The following LRBA variants were observed in gnomAD, a reference collection of about 807,000 sequenced individuals.
The protein encoded by LRBA is LPS responsive beige-like anchor protein, also known as lipopolysaccharide-responsive and beige-like anchor protein.
Under a neutral mutation model 330.0 loss-of-function variants are expected in LRBA, and 176 were observed. The observed-to-expected ratio is 0.53, with a 90% CI of 0.47 to 0.60. LRBA has a LOEUF of 0.60. LRBA is among the 20% of genes least tolerant of loss of function. LRBA has a pLI of 0.00. For synonymous variants in LRBA, 1,230 were observed against 1,193.0 expected (o/e 1.03, Z -0.64); for missense variants, 3,259 against 3,444.8 (o/e 0.95, Z 1.35).
intron 47 of LRBA, among the ~76,000 whole-genome samples, chr4:150,380,003 T>TAAAAA (rs371691815): frequency 8.7e-6 from 1 of 115,242 alleles, no homozygotes; most frequent in Non-Finnish European, 1.7e-5. Context: ...TTTCTACTAC[T>TAAAAA]AAAAAAAAAA....
chr4:150,445,237 A>G (rs1245554871), intron 44 of LRBA, among the ~76,000 whole-genome samples: 1 of 151,954 alleles, frequency 6.6e-6, no homozygotes, highest in Non-Finnish European at 1.5e-5. Context: ...AACCAGAAAC[A>G]AAACAAAATT....
chr4:150,844,311 G>T, intron 27 of LRBA, 104 bp from the exon 28 acceptor site: 2 of 617,590 alleles, frequency 3.2e-6, no homozygotes, highest in Non-Finnish European at 5.2e-6. Flanking sequence ...GAAAAGCAAA[G>T]CTATAGCATT....
chr4:150,954,019 T>C (rs1737213403), intron 2 of LRBA, among the ~76,000 whole-genome samples: 1 of 35,494 alleles, frequency 2.8e-5, no homozygotes, highest in South Asian at 1.1e-3. Flanking sequence ...CCACCCCGTC[T>C]GAGAAGTGAG....
rs543147482 is a variant in LRBA at position 150,649,663 on chromosome 4, A to G, written c.5921+33888T>C. ...TTCATATAAACATCCTGCCTCTCCA[A>G]TAAAGTTCACTAGGAACTATTACTT... On this transcript the variant is annotated intron_variant, in intron 37 of 56. Coordinates refer to ENST00000651943, the MANE Select transcript of LRBA (RefSeq NM_001364905.1). Among the ~76,000 whole-genome samples, 9 of 152,248 alleles carry G rather than the reference A, an allele frequency of 5.9e-5. No individual in the cohort carries two copies. In the South Asian group the frequency reaches 1.9e-3, roughly 32 times the overall value.
At chr4:150,929,739 G>A (rs538115272) in intron 2 of LRBA, among the ~76,000 whole-genome samples, 3 of 152,004 alleles carry the variant, frequency 2.0e-5, no homozygotes, top group Admixed American at 6.5e-5. Flanking sequence ...TCGTAATTGT[G>A]TAAAGGAATT....
chr4:150,808,485 T>G (rs374927778), intron 31 of LRBA, 87 bp from the exon 32 acceptor site: 15 of 735,070 alleles, frequency 2.0e-5, no homozygotes, highest in South Asian at 2.0e-4. Flanking sequence ...TACCAGTCAA[T>G]AAAAGCATTA....
At chr4:150,880,910 C>A (rs370920093) in intron 17 of LRBA, among the ~76,000 whole-genome samples, 1 of 152,122 alleles carries the variant, frequency 6.6e-6, no homozygotes, top group African/African-American at 2.4e-5. Flanking sequence ...AGAAGACATA[C>A]AAGCAGGCAA....
At chr4:150,764,876 T>G (rs569817544) in intron 34 of LRBA, among the ~76,000 whole-genome samples, 1 of 152,150 alleles carries the variant, frequency 6.6e-6, no homozygotes. Context: ...CTAACAAAAC[T>G]AAGCCTACTC....
rs750151494 is a variant in LRBA, at chr4:150,817,193, T to C, written c.5236A>G (p.Thr1746Ala). The stretch of plus-strand genomic sequence containing the variant: ...GAGGAAACCACACTGACAGCATTGG[T>C]AGGTATGCTTGTATTAAAGGTGGAA... ...SPSTFNTSIP[T>A]NAVSVVSSVD... is the part of the protein sequence containing the mutation. The change falls in exon 31 of 57, where the codon ACC becomes GCC. Residue 1746 changes from threonine (T) to alanine (A), a missense_variant. Transcript: ENST00000651943. 4 of 1,612,102 alleles carry C rather than the reference T, an allele frequency of 2.5e-6. No homozygotes were observed. Among genetic ancestry groups the C allele is most frequent in the Non-Finnish European group, 3.4e-6 (4 of 1,178,556 alleles).
intron 29 of LRBA, 91 bp from the exon 30 acceptor site, chr4:150,828,712 G>T: frequency 9.0e-7 from 1 of 1,109,254 alleles, no homozygotes; most frequent in Non-Finnish European, 1.3e-6. Flanking sequence ...GCTATCTACT[G>T]TTTTGAATTA....
At position 150,828,170 on chromosome 4, in the gene LRBA, T is replaced by C. The variant is rs1265778396; in HGVS notation, c.5171+10A>G. On this transcript the variant is annotated intron_variant, in intron 30 of 56. Coordinates refer to ENST00000651943, the MANE Select transcript of LRBA (RefSeq NM_001364905.1). ...AGAAACATACCAAAACGAAAAACTA[T>C]TATCAGTACCTGTCAAAAGATCTGA... 2.5e-6 allele frequency: 4 copies of C among 1,610,542 alleles called. No individual in the cohort carries two copies. The highest frequency in any genetic ancestry group is 3.4e-6 in the Non-Finnish European group (4 of 1,177,586).
At chr4:150,749,389 G>C (rs1164172507) in intron 35 of LRBA, among the ~76,000 whole-genome samples, 1 of 152,114 alleles carries the variant, frequency 6.6e-6, no homozygotes, top group African/African-American at 2.4e-5. Flanking sequence ...GGGCAACATA[G>C]AGAGACTCCA....
chr4:150,586,108 A>T (rs1772083921), intron 40 of LRBA, among the ~76,000 whole-genome samples: 1 of 152,226 alleles, frequency 6.6e-6, no homozygotes. Context: ...CTTTTAAATT[A>T]TAAAAACCAA....
chr4:150,969,859 T>G (rs562664860), intron 2 of LRBA, among the ~76,000 whole-genome samples: 9 of 152,306 alleles, frequency 5.9e-5, no homozygotes, highest in African/African-American at 2.2e-4. Flanking sequence ...TTACATAAAT[T>G]TAGTTGATAA....
intron 44 of LRBA, among the ~76,000 whole-genome samples, chr4:150,442,839 G>A (rs1405381270): frequency 2.0e-5 from 3 of 152,020 alleles, no homozygotes; most frequent in African/African-American, 4.8e-5. Flanking sequence ...AATAAAAGAG[G>A]ATAGATACAC....
chr4:150,540,740 T>G (rs1448893608), intron 40 of LRBA, among the ~76,000 whole-genome samples: 1 of 152,212 alleles, frequency 6.6e-6, no homozygotes, highest in Admixed American at 6.5e-5. Context: ...GGTGCAATTA[T>G]CTAGCAGAAA....
intron 40 of LRBA, among the ~76,000 whole-genome samples, chr4:150,507,224 C>A (rs1761214762): frequency 1.3e-5 from 2 of 151,964 alleles, no homozygotes; most frequent in African/African-American, 4.8e-5. Context: ...TTGGAAAAAA[C>A]TACTTTAAAG....
intron 21 of LRBA, 29 bp downstream of exon 21, chr4:150,868,153 G>T: frequency 6.3e-7 from 1 of 1,581,720 alleles, no homozygotes; most frequent in Admixed American, 1.8e-5. Flanking sequence ...TTTGAATACT[G>T]CAAATAAATG....
intron 34 of LRBA, among the ~76,000 whole-genome samples, chr4:150,762,323 A>T (rs1035934006): frequency 1.3e-5 from 2 of 152,040 alleles, no homozygotes; most frequent in South Asian, 4.1e-4. Context: ...AAATCAGTGA[A>T]TTGAGCTAAA....
Sources: allele counts gnomAD v4.1 joint callset (sites outside exome capture counted in the v4.1 genomes callset), GRCh38; gene constraint gnomAD v4.1.1; transcripts MANE v1.5; gene names NCBI Gene and HGNC (gene_info 2026-07-23, HGNC 2026-07-21).